NAT16: variants seen among roughly 807,000 people sequenced by gnomAD.
NAT16 encodes the protein N-acetyltransferase 16 (putative), also known as probable N-acetyltransferase 16.
In NAT16, 16 loss-of-function variants were observed where a neutral mutation model predicts 15.9. The ratio of observed to expected loss-of-function variants is 1.01; its 90% confidence interval spans 0.68 to 1.53. The LOEUF (loss-of-function observed/expected upper bound fraction) is 1.53. Among genes scored for constraint, NAT16 ranks in the 40% most tolerant of loss-of-function variants. The pLI is 0.00. For synonymous variants in NAT16, 260 were observed against 241.9 expected (o/e 1.07, Z -0.69); for missense variants, 572 against 508.4 (o/e 1.13, Z -1.20).
chr7:101,173,288 C>T lies in NAT16; in HGVS notation c.537+8G>A. ...GGCCCAGCCATCCGAGCTCCCTGTC[C>T]TTCTCACCTGCTTGGTGATTAGGCG... On this transcript the variant is annotated splice_region_variant and intron_variant, in intron 3 of 3. Coordinates refer to ENST00000300303, the MANE Select transcript of NAT16 (RefSeq NM_198571.3). 2 of 1,612,932 alleles carry T rather than the reference C, an allele frequency of 1.2e-6. No homozygotes were observed. Among genetic ancestry groups the T allele is most frequent in the Non-Finnish European group, 8.5e-7 (1 of 1,179,236 alleles).
intron 1 of NAT16, among the ~76,000 whole-genome samples, chr7:101,179,774 G>A (rs1257169280): frequency 1.3e-5 from 2 of 150,962 alleles, no homozygotes; most frequent in African/African-American, 4.9e-5. Flanking sequence ...CAAAGGGAGC[G>A]ATCTGCTTGG....
chr7:101,172,866 G>A lies in NAT16; in HGVS notation c.538-215C>T, dbSNP rs939358649. 8.5e-5 allele frequency among the ~76,000 whole-genome samples: 13 copies of A among 152,186 alleles called. No individual in the cohort carries two copies. Among genetic ancestry groups the A allele is most frequent in the Non-Finnish European group, 1.6e-4 (11 of 68,020 alleles). ...CAGGGACCAGGGGCACGGGCTCCCA[G>A]TACGTGGATCCCCAAGAAGAGGTGG... is the stretch of plus-strand genomic sequence containing the variant. On this transcript the variant is annotated intron_variant, in intron 3 of 3. Transcript: ENST00000300303. The surrounding 1 kb of genome is among the most constrained non-coding windows in gnomAD (Gnocchi z 4.2).
chr7:101,173,336 C>T lies in NAT16; in HGVS notation c.497G>A (p.Gly166Asp), dbSNP rs746425054. ...GCGGTATTTCTTCAGCTCCCGGGGGCCCAGCTGGTCGTCCCGGGTGAGCCG... is the reference window on the plus strand; with the variant it reads ...GCGGTATTTCTTCAGCTCCCGGGGGTCCAGCTGGTCGTCCCGGGTGAGCCG... ...VARLTRDDQLGPRELKKYRLI... is the reference protein window; with the variant it reads ...VARLTRDDQLDPRELKKYRLI... The change falls in exon 3 of 4, where the codon GGC (glycine) becomes GAC (aspartate). Residue 166 changes from glycine to aspartate, a missense_variant. Physicochemically the swap from Gly to Asp is moderately conservative, Grantham distance 94. Coordinates refer to ENST00000300303, the MANE Select transcript of NAT16 (RefSeq NM_198571.3). 5.0e-6 allele frequency: 8 copies of T among 1,614,032 alleles called. No individual in the cohort carries two copies. Among genetic ancestry groups the T allele is most frequent in the Non-Finnish European group, 6.8e-6 (8 of 1,180,006 alleles).
chr7:101,174,392 T>C (rs1203649073), intron 2 of NAT16, 104 bp downstream of exon 2: 3 of 1,406,398 alleles, frequency 2.1e-6, no homozygotes, highest in Non-Finnish European at 2.8e-6. Context: ...TTCCGCAGCC[T>C]CCAGAGGAAG....
rs376663461 is a variant in NAT16 at position 101,171,368 on chromosome 7, ACT to A, written c.*709_*710del. ...TAAATACATTTCATTTTACAGTATC[ACT>A]CTCTCTCTCTCTGGATTGCACACTG... On this transcript the variant is annotated 3_prime_UTR_variant, in exon 4 of 4. Transcript: ENST00000300303. The A allele has an allele frequency of 2.0e-5, 3 of 151,206 alleles. No individual in the cohort carries two copies. Among genetic ancestry groups the A allele is most frequent in the African/African-American group, 4.8e-5 (2 of 41,288 alleles). The allele number at this position is 151,206 out of a possible 1,614,324, so 9.4% of individuals were successfully genotyped here.
chr7:101,171,091 T>G lies in NAT16; in HGVS notation c.*988A>C, dbSNP rs1797309414. The stretch of plus-strand genomic sequence containing the variant: ...ATTCCAGTTGCACTAGAAGGCGGCC[T>G]GGTTGGAACCAGGAGACAGCCCCTA... On this transcript the variant is annotated 3_prime_UTR_variant, in exon 4 of 4. Coordinates refer to ENST00000300303, the MANE Select transcript of NAT16 (RefSeq NM_198571.3). 1 of 152,248 alleles carries G rather than the reference T, an allele frequency of 6.6e-6. No homozygotes were observed. Among genetic ancestry groups the G allele is most frequent in the South Asian group, 2.1e-4 (1 of 4,836 alleles). 9.4% of individuals were successfully genotyped at this position (152,248 alleles called of 1,614,324 possible). A position where few individuals can be genotyped will look rare whatever the true frequency, so the allele number is the denominator to read the frequency against.
Position 101,170,624 on chromosome 7 carries a change from C to G in NAT16, c.*1455G>C, listed in dbSNP as rs939021182. On this transcript the variant is annotated 3_prime_UTR_variant, in exon 4 of 4. Coordinates refer to ENST00000300303, the MANE Select transcript of NAT16 (RefSeq NM_198571.3). ...GCAAAACCAGAGCTGCGGAAAGTGG[C>G]GAAGCGGCGGCTGCCCCTACCCCCC... 3.3e-5 allele frequency: 5 copies of G among 152,504 alleles called. No individual in the cohort carries two copies. Among genetic ancestry groups the G allele is most frequent in the Admixed American group, 1.3e-4 (2 of 15,280 alleles). 9.4% of individuals were successfully genotyped at this position (152,504 alleles called of 1,614,324 possible). A position where few individuals can be genotyped will look rare whatever the true frequency, so the allele number is the denominator to read the frequency against.
chr7:101,172,706 C>T lies in NAT16; in HGVS notation c.538-55G>A, dbSNP rs550990103. The T allele has an allele frequency of 7.4e-7, 1 of 1,356,684 alleles. No individual in the cohort carries two copies. Among genetic ancestry groups the T allele is most frequent in the Non-Finnish European group, 9.6e-7 (1 of 1,040,806 alleles). The allele number at this position is 1,356,684 out of a possible 1,614,324, so 84.0% of individuals were successfully genotyped here. A position where few individuals can be genotyped will look rare whatever the true frequency, so the allele number is the denominator to read the frequency against. The stretch of plus-strand genomic sequence containing the variant: ...GGGGGGCGCAGCAGGGCTGGCGAGC[C>T]CGGCGCCTCTCGGCAGGCATCTTCA... On this transcript the variant is annotated intron_variant, in intron 3 of 3. Coordinates refer to ENST00000300303, the MANE Select transcript of NAT16 (RefSeq NM_198571.3). This position sits in a 1 kb window ranked among gnomAD's most constrained non-coding sequence, Gnocchi z 4.2.
At position 101,174,595 on chromosome 7, in the gene NAT16, C is replaced by A; in HGVS notation, c.213G>T (p.Gly71=). 6.2e-7 allele frequency: 1 copy of A among 1,614,216 alleles called. No individual in the cohort carries two copies. Among genetic ancestry groups the A allele is most frequent in the Non-Finnish European group, 8.5e-7 (1 of 1,180,030 alleles). The stretch of plus-strand genomic sequence containing the variant: ...GGTAGTCCAGGCCGCCGTAGATGCC[C>A]CCCGAGATGGCCAGCACTTCCTCAA... The part of the protein sequence containing the change: ...REFEEVLAIS[G]GIYGGLDYLP... The change falls in exon 2 of 4, where the codon GGG becomes GGT. Residue 71 remains glycine (G), a synonymous_variant. Transcript: ENST00000300303.
chr7:101,173,762 C>A, intron 2 of NAT16: 1 of 525,178 alleles, frequency 1.9e-6, no homozygotes, highest in Non-Finnish European at 3.3e-6. Context: ...AGGGTCTCCT[C>A]ACCCAGGCTG....
rs1478715517 is a variant in NAT16 at position 101,174,562 on chromosome 7, G to A, written c.246C>T (p.Ser82=). 1.9e-6 allele frequency: 3 copies of A among 1,613,322 alleles called. No individual in the cohort carries two copies. The South Asian group carries it at 3.3e-5, about 18-fold the overall frequency. Reference sequence around the variant, plus strand: ...GGTCCCGGAGCCAGCTGTGGTAGCGGCTAGGAAGGTAGTCCAGGCCGCCGT... The same window carrying A: ...GGTCCCGGAGCCAGCTGTGGTAGCGACTAGGAAGGTAGTCCAGGCCGCCGT... ...GIYGGLDYLP[S]RYHSWLRDPD... Residue 82 remains serine (S), a synonymous_variant, in exon 2 of 4, where the codon AGC becomes AGT. Coordinates refer to ENST00000300303, the MANE Select transcript of NAT16 (RefSeq NM_198571.3).
At position 101,172,874 on chromosome 7, in the gene NAT16, A is replaced by T. The variant is rs1797366031; in HGVS notation, c.538-223T>A. ...AGGGGCACGGGCTCCCAGTACGTGG[A>T]TCCCCAAGAAGAGGTGGGATCAGTA... On this transcript the variant is annotated intron_variant, in intron 3 of 3. Transcript: ENST00000300303. This position sits in a 1 kb window ranked among gnomAD's most constrained non-coding sequence, Gnocchi z 4.2. Among the ~76,000 whole-genome samples the T allele has an allele frequency of 6.6e-6, 1 of 152,142 alleles. No individual in the cohort carries two copies. The highest frequency in any genetic ancestry group is 2.4e-5 in the African/African-American group (1 of 41,442).
intron 1 of NAT16, among the ~76,000 whole-genome samples, chr7:101,178,161 A>T (rs765855551): frequency 6.6e-6 from 1 of 152,170 alleles, no homozygotes; most frequent in African/African-American, 2.4e-5. Flanking sequence ...TACGTCTCAG[A>T]TAAGGTTGTT....
At chr7:101,173,634 G>T in intron 2 of NAT16, 114 bp from the exon 3 acceptor site, 1 of 988,014 alleles carries the variant, frequency 1.0e-6, no homozygotes, top group Non-Finnish European at 1.4e-6. Flanking sequence ...CACCACCCGG[G>T]CACCAGGCCA....
chr7:101,172,096 G>A lies in NAT16; in HGVS notation c.1093C>T (p.Leu365=), dbSNP rs2116721846. The A allele has an allele frequency of 6.2e-7, 1 of 1,612,712 alleles. No homozygotes were observed. Among genetic ancestry groups the A allele is most frequent in the Non-Finnish European group, 8.5e-7 (1 of 1,179,092 alleles). ...GAGAGGCCTCAGATGTCGGCCTCCAGCAGGTACTGTTCAGTATAACCCTTC... is the reference window on the plus strand; with the variant it reads ...GAGAGGCCTCAGATGTCGGCCTCCAACAGGTACTGTTCAGTATAACCCTTC... The part of the protein sequence containing the change: ...LVKGYTEQYL[L]EADI The change falls in exon 4 of 4, where the codon CTG becomes TTG. Residue 365 remains leucine, a synonymous_variant. Transcript: ENST00000300303. This position sits in a 1 kb window ranked among gnomAD's most constrained non-coding sequence, Gnocchi z 4.2.
intron 1 of NAT16, 145 bp from the exon 2 acceptor site, chr7:101,174,956 T>C: frequency 8.9e-7 from 1 of 1,124,248 alleles, no homozygotes; most frequent in Admixed American, 4.0e-5. Flanking sequence ...ATTTACTTAT[T>C]TATTTATTTA....
intron 1 of NAT16, among the ~76,000 whole-genome samples, chr7:101,178,153 C>A (rs1324027685): frequency 6.6e-6 from 1 of 152,168 alleles, no homozygotes; most frequent in Non-Finnish European, 1.5e-5. Context: ...GGCATTTATA[C>A]GTCTCAGATA....
intron 1 of NAT16, among the ~76,000 whole-genome samples, chr7:101,177,588 G>C (rs1445062618): frequency 6.6e-6 from 1 of 152,206 alleles, no homozygotes; most frequent in Admixed American, 6.5e-5. Flanking sequence ...CTGGGCTCAA[G>C]TGATCCTCCC....
intron 1 of NAT16, among the ~76,000 whole-genome samples, chr7:101,177,502 C>A (rs569969269): frequency 6.6e-6 from 1 of 152,272 alleles, no homozygotes; most frequent in South Asian, 2.1e-4. Flanking sequence ...GCCACCACAC[C>A]TGGCTACTTT....
Sources: allele counts gnomAD v4.1 joint callset (sites outside exome capture counted in the v4.1 genomes callset), GRCh38; gene constraint gnomAD v4.1.1; non-coding constraint Gnocchi (gnomAD v3.1); transcripts MANE v1.5; gene names NCBI Gene and HGNC (gene_info 2026-07-23, HGNC 2026-07-21).